The following CACHD1 variants were observed in gnomAD, a reference collection of about 807,000 sequenced individuals.
The protein encoded by CACHD1 is cache domain containing 1, also known as VWFA and cache domain-containing protein 1.
CACHD1 carries 71 observed loss-of-function variants against 138.7 expected under a neutral mutation model. The ratio of observed to expected loss-of-function variants is 0.51; its 90% confidence interval spans 0.42 to 0.62. The LOEUF (loss-of-function observed/expected upper bound fraction) is 0.62. Ranked by LOEUF, CACHD1 falls within the 20% of genes least tolerant of loss-of-function variation. The pLI is 0.00. For missense variants in CACHD1, 1,389 were observed against 1,625.3 expected (o/e 0.85, Z 2.50); for synonymous variants, 578 against 591.5 (o/e 0.98, Z 0.33).
chr1:64,641,775 A>G lies in CACHD1; in HGVS notation c.1007-45A>G. ...AACAGGAAACTGAACTGCTGCCTTT[A>G]GCTGGAATCCAAAGAGAGCATTCAA... is the stretch of plus-strand genomic sequence containing the variant. On this transcript the variant is annotated intron_variant, in intron 7 of 26. Transcript: ENST00000651257. The G allele has an allele frequency of 2.8e-6, 4 of 1,434,786 alleles. No individual in the cohort carries two copies. The South Asian group carries it at 4.5e-5, about 16-fold the overall frequency. The allele number at this position is 1,434,786 out of a possible 1,614,324, so 88.9% of individuals were successfully genotyped here.
At chr1:64,549,799 T>A (rs75698361) in intron 1 of CACHD1, among the ~76,000 whole-genome samples, 13,683 of 151,274 alleles carry the variant, frequency 0.09, 876 homozygotes, top group African/African-American at 0.17. Flanking sequence ...CTTTTTATTT[T>A]TTTTATTTTT....
At chr1:64,637,339 A>T (rs1420032293) in intron 7 of CACHD1, among the ~76,000 whole-genome samples, 2 of 152,216 alleles carry the variant, frequency 1.3e-5, no homozygotes, top group Non-Finnish European at 2.9e-5. Flanking sequence ...CACATGCACC[A>T]TCCAGAGGGT....
chr1:64,629,745 G>A (rs1232108783), intron 5 of CACHD1, among the ~76,000 whole-genome samples: 1 of 152,068 alleles, frequency 6.6e-6, no homozygotes, highest in Non-Finnish European at 1.5e-5. Flanking sequence ...ATTGTGTGAA[G>A]CACCTAGAGT....
intron 1 of CACHD1, chr1:64,506,368 T>C (rs1646376851): frequency 6.6e-6 from 1 of 152,256 alleles, no homozygotes; most frequent in Non-Finnish European, 1.5e-5. Context: ...ACCTGCGTTA[T>C]CTTGTGTAAT....
chr1:64,628,272 C>T (rs772276234), intron 4 of CACHD1, among the ~76,000 whole-genome samples: 82 of 152,106 alleles, frequency 5.4e-4, no homozygotes, highest in African/African-American at 8.0e-4. Flanking sequence ...TACCTTAGCT[C>T]GGAATCTTCC....
chr1:64,644,452 T>G (rs986610575), intron 8 of CACHD1, among the ~76,000 whole-genome samples: 4 of 152,220 alleles, frequency 2.6e-5, no homozygotes, highest in African/African-American at 9.6e-5. Context: ...AAGGGATCAC[T>G]TCTCTTCCAT....
At chr1:64,585,009 C>T (rs1369404178) in intron 3 of CACHD1, among the ~76,000 whole-genome samples, 1 of 151,912 alleles carries the variant, frequency 6.6e-6, no homozygotes, top group Non-Finnish European at 1.5e-5. Flanking sequence ...AGGAACATCA[C>T]AAAAATATAT....
chr1:64,557,862 G>A (rs554619935), intron 2 of CACHD1, among the ~76,000 whole-genome samples: 2 of 152,018 alleles, frequency 1.3e-5, no homozygotes, highest in South Asian at 2.1e-4. Context: ...GCAATGCAGC[G>A]ATCTCGGCTA....
chr1:64,652,444 G>T, intron 10 of CACHD1, 134 bp downstream of exon 10: 2 of 730,530 alleles, frequency 2.7e-6, no homozygotes, highest in Admixed American at 3.4e-5. Context: ...CTCATTTGTA[G>T]TAGAACACCG....
intron 1 of CACHD1, among the ~76,000 whole-genome samples, chr1:64,535,327 G>GTTTTTT (rs3078381): frequency 7.3e-6 from 1 of 136,640 alleles, no homozygotes; most frequent in Non-Finnish European, 1.6e-5. Context: ...AATTTGGAGG[G>GTTTTTT]TTTTTTTTTT....
intron 16 of CACHD1, among the ~76,000 whole-genome samples, chr1:64,670,898 C>T (rs1425778598): frequency 1.2e-4 from 19 of 152,198 alleles, no homozygotes; most frequent in Admixed American, 1.2e-3. Context: ...TTCAGATCTG[C>T]TGATTCCAGA....
At chr1:64,673,656 A>G (rs1649892908) in intron 19 of CACHD1, among the ~76,000 whole-genome samples, 192 bp downstream of exon 19, 1 of 152,224 alleles carries the variant, frequency 6.6e-6, no homozygotes, top group Non-Finnish European at 1.5e-5. Flanking sequence ...TCAGAGTAGA[A>G]AAGTAAAAGT....
At chr1:64,480,899 TG>T (rs1557456549) in intron 1 of CACHD1, among the ~76,000 whole-genome samples, 1 of 151,696 alleles carries the variant, frequency 6.6e-6, no homozygotes, top group Non-Finnish European at 1.5e-5. Context: ...TTTTTTTTTT[TG>T]GGTGAAAATT....
intron 7 of CACHD1, among the ~76,000 whole-genome samples, chr1:64,636,597 T>G (rs1233267292): frequency 6.6e-6 from 1 of 152,214 alleles, no homozygotes; most frequent in Non-Finnish European, 1.5e-5. Context: ...GTTCATTTCC[T>G]TGCAACTGTA....
At chr1:64,667,938 A>G (rs746443942) in intron 16 of CACHD1, among the ~76,000 whole-genome samples, 1 of 152,198 alleles carries the variant, frequency 6.6e-6, no homozygotes, top group Non-Finnish European at 1.5e-5. Flanking sequence ...TGGGATTCAA[A>G]TGGGTGGAAG....
intron 1 of CACHD1, among the ~76,000 whole-genome samples, chr1:64,531,922 T>C (rs771936116): frequency 1.4e-4 from 21 of 152,244 alleles, no homozygotes; most frequent in Non-Finnish European, 2.8e-4. Context: ...TATTAAAATA[T>C]GGCAAGCCAC....
intron 3 of CACHD1, among the ~76,000 whole-genome samples, chr1:64,587,476 T>C (rs1302132065): frequency 6.6e-6 from 1 of 152,162 alleles, no homozygotes; most frequent in African/African-American, 2.4e-5. Flanking sequence ...TCAGACGGGT[T>C]TCATACTTTC....
intron 1 of CACHD1, among the ~76,000 whole-genome samples, chr1:64,535,191 C>T (rs183359282): frequency 1.4e-3 from 217 of 152,252 alleles, no homozygotes; most frequent in African/African-American, 5.1e-3. Flanking sequence ...GTCCCTTTTG[C>T]CCCCTCTAAG....
At chr1:64,648,799 A>G (rs1648993938) in intron 9 of CACHD1, among the ~76,000 whole-genome samples, 1 of 152,248 alleles carries the variant, frequency 6.6e-6, no homozygotes, top group Non-Finnish European at 1.5e-5. Flanking sequence ...AATCTGGAAA[A>G]TATAACAGAA....
Sources: allele counts gnomAD v4.1 joint callset (sites outside exome capture counted in the v4.1 genomes callset), GRCh38; gene constraint gnomAD v4.1.1; transcripts MANE v1.5; gene names NCBI Gene and HGNC (gene_info 2026-07-23, HGNC 2026-07-21).